The following ZDHHC9 variants were observed in gnomAD, a reference collection of about 807,000 sequenced individuals.
ZDHHC9 encodes zDHHC palmitoyltransferase 9, also known as palmitoyltransferase ZDHHC9.
In ZDHHC9, 3 loss-of-function variants were observed where a neutral mutation model predicts 26.6. That is an observed-to-expected ratio of 0.11 (90% CI 0.05 to 0.29). ZDHHC9 has a LOEUF of 0.29. Ranked by LOEUF, ZDHHC9 falls within the 10% of genes least tolerant of loss-of-function variation. The pLI, the probability that ZDHHC9 is intolerant of heterozygous loss-of-function variation, is 1.00. For synonymous variants in ZDHHC9, 111 were observed against 109.4 expected (o/e 1.01, Z -0.09); for missense variants, 146 against 296.4 (o/e 0.49, Z 3.73).
intron 3 of ZDHHC9, among the ~76,000 whole-genome samples, chrX:129,841,409 T>C (rs139654244): frequency 0.012 from 1,292 of 111,818 alleles, 12 homozygotes; most frequent in Non-Finnish European, 0.019. Context: ...TAGGTGAGGA[T>C]TGCTGAGTAA....
intron 9 of ZDHHC9, 52 bp downstream of exon 9, chrX:129,811,354 A>G (rs1484026507): frequency 9.8e-6 from 10 of 1,023,403 alleles, no homozygotes; most frequent in African/African-American, 3.8e-5. Flanking sequence ...TAACAGGATC[A>G]GGTTGAGCTG....
chrX:129,813,174 G>A (rs755658660), intron 7 of ZDHHC9, among the ~76,000 whole-genome samples: 9 of 111,853 alleles, frequency 8.0e-5, no homozygotes, highest in African/African-American at 1.3e-4. Context: ...CAAGGTGGGC[G>A]GATCACAAGG....
chrX:129,813,008 C>T (rs1302377741), intron 7 of ZDHHC9, among the ~76,000 whole-genome samples, 188 bp from the exon 8 acceptor site: 1 of 112,126 alleles, frequency 8.9e-6, no homozygotes, highest in Non-Finnish European at 1.9e-5. Context: ...GAATTTCTAG[C>T]GTATCTAGGG....
intron 3 of ZDHHC9, among the ~76,000 whole-genome samples, chrX:129,839,671 G>A (rs2124138247): frequency 9.0e-6 from 1 of 111,183 alleles, no homozygotes; most frequent in East Asian, 2.8e-4. Context: ...CACTGGCTAG[G>A]CACAAGGCAG....
At chrX:129,833,964 C>T (rs1430018109) in intron 3 of ZDHHC9, among the ~76,000 whole-genome samples, 2 of 112,214 alleles carry the variant, frequency 1.8e-5, no homozygotes, top group African/African-American at 6.5e-5. Flanking sequence ...TACTACCTAC[C>T]TGCTACTTAC....
rs569254731 is a variant in ZDHHC9, at chrX:129,822,103, G to A, written c.487+1576C>T. On this transcript the variant is annotated intron_variant, in intron 5 of 10. Coordinates refer to ENST00000357166, the MANE Select transcript of ZDHHC9 (RefSeq NM_016032.4). The stretch of plus-strand genomic sequence containing the variant: ...TTTGACCCAGCAATCCCATTACTGG[G>A]TATATACCCAAAGCATTATAAATCA... 7.2e-5 allele frequency among the ~76,000 whole-genome samples: 8 copies of A among 111,032 alleles called. No individual in the cohort carries two copies. The South Asian group carries it at 3.1e-3, about 43-fold the overall frequency.
chrX:129,806,414 C>T lies in ZDHHC9; in HGVS notation c.1051G>A (p.Glu351Lys). Residue 351 changes from glutamate to lysine, a missense_variant, in exon 11 of 11, where the codon GAG becomes AAG. Glu to Lys is a moderately conservative substitution (Grantham distance 56). Coordinates refer to ENST00000357166, the MANE Select transcript of ZDHHC9 (RefSeq NM_016032.4). Reference protein sequence around the residue: ...SSTPEEMPPPEPPEPPQEAAE... With the variant: ...SSTPEEMPPPKPPEPPQEAAE... The stretch of plus-strand genomic sequence containing the variant: ...GCCTCCTGTGGTGGCTCTGGGGGCT[C>T]TGGAGGTGGCATCTCTTCGGGAGTG... 8.3e-7 allele frequency: 1 copy of T among 1,211,963 alleles called. No individual in the cohort carries two copies. Among genetic ancestry groups the T allele is most frequent in the Non-Finnish European group, 1.1e-6 (1 of 895,563 alleles).
chrX:129,835,174 T>C (rs1928228765), intron 3 of ZDHHC9, among the ~76,000 whole-genome samples: 2 of 112,301 alleles, frequency 1.8e-5, no homozygotes, highest in Admixed American at 1.9e-4. Flanking sequence ...GAGCCAGGCA[T>C]GGTGGCTTAC....
chrX:129,813,350 A>C (rs1927687001), intron 7 of ZDHHC9, among the ~76,000 whole-genome samples: 1 of 111,774 alleles, frequency 8.9e-6, no homozygotes, highest in Admixed American at 9.5e-5. Flanking sequence ...CAACAGTACA[A>C]GACTCTGTCT....
At chrX:129,842,689 A>G (rs1420954788) in intron 2 of ZDHHC9, among the ~76,000 whole-genome samples, 1 of 113,079 alleles carries the variant, frequency 8.8e-6, no homozygotes, top group African/African-American at 3.2e-5. Context: ...CTGTGCACAT[A>G]CGTGCATTGT....
intron 3 of ZDHHC9, among the ~76,000 whole-genome samples, chrX:129,835,446 C>CAAA (rs59940283): frequency 1.8e-5 from 1 of 54,232 alleles, no homozygotes; most frequent in Non-Finnish European, 4.0e-5. Flanking sequence ...GACCCTATCT[C>CAAA]AAAAAAAAAA....
chrX:129,823,251 T>A (rs758877094), intron 5 of ZDHHC9: 57 of 153,688 alleles, frequency 3.7e-4, no homozygotes, highest in Non-Finnish European at 6.3e-5. Context: ...GTGCCCAATA[T>A]GTAGTAGAAA....
chrX:129,813,917 T>C (rs1243504814), intron 6 of ZDHHC9, among the ~76,000 whole-genome samples, 192 bp from the exon 7 acceptor site: 1 of 112,274 alleles, frequency 8.9e-6, no homozygotes, highest in East Asian at 2.8e-4. Context: ...GAGTTCACAT[T>C]TCCAGTGCAG....
intron 3 of ZDHHC9, among the ~76,000 whole-genome samples, chrX:129,835,590 C>G (rs12009734): frequency 0.061 from 6,803 of 111,114 alleles, 506 homozygotes; most frequent in African/African-American, 0.21. Flanking sequence ...CGAGACCAGC[C>G]TGGCCAACAC....
chrX:129,812,858 C>CA, intron 7 of ZDHHC9, 38 bp from the exon 8 acceptor site: 2 of 1,014,041 alleles, frequency 2.0e-6, no homozygotes, highest in Non-Finnish European at 2.8e-6. Flanking sequence ...AACTCAACAT[C>CA]AGGAGACTTG....
At chrX:129,821,236 G>T (rs1222492972) in intron 5 of ZDHHC9, among the ~76,000 whole-genome samples, 10 of 110,468 alleles carry the variant, frequency 9.1e-5, no homozygotes, top group Non-Finnish European at 3.8e-5. Flanking sequence ...ATTCCTCAAA[G>T]ATCTAGAACC....
chrX:129,841,035 A>G (rs940401239), intron 3 of ZDHHC9, among the ~76,000 whole-genome samples: 1 of 110,885 alleles, frequency 9.0e-6, no homozygotes, highest in Non-Finnish European at 1.9e-5. Context: ...CCTAGAGTGT[A>G]GAGCATTCTC....
intron 8 of ZDHHC9, among the ~76,000 whole-genome samples, chrX:129,811,823 A>G (rs1927648008): frequency 9.0e-6 from 1 of 111,277 alleles, no homozygotes; most frequent in Admixed American, 9.6e-5. Context: ...ACAACAAAAA[A>G]GAAATACATA....
intron 7 of ZDHHC9, among the ~76,000 whole-genome samples, chrX:129,813,026 G>A (rs1168971825): frequency 8.9e-6 from 1 of 112,249 alleles, no homozygotes; most frequent in Admixed American, 9.4e-5. Context: ...GGGTATTTAA[G>A]GGTGTGCCTA....
Sources: allele counts gnomAD v4.1 joint callset (sites outside exome capture counted in the v4.1 genomes callset), GRCh38; gene constraint gnomAD v4.1.1; transcripts MANE v1.5; gene names NCBI Gene and HGNC (gene_info 2026-07-23, HGNC 2026-07-21).